CDH20: variants seen among roughly 807,000 people sequenced by gnomAD.
CDH20 encodes cadherin 20, also known as cadherin-20.
CDH20 carries 29 observed loss-of-function variants against 74.2 expected under a neutral mutation model. That is an observed-to-expected ratio of 0.39 (90% CI 0.29 to 0.53). CDH20 has a LOEUF of 0.53. Ranked by LOEUF, CDH20 falls within the 20% of genes least tolerant of loss-of-function variation. CDH20 has a pLI of 0.69. For synonymous variants in CDH20, 469 were observed against 405.4 expected (o/e 1.16, Z -1.88); for missense variants, 988 against 1,048.3 (o/e 0.94, Z 0.79).
chr18:61,495,512 C>G (rs1911105619), intron 2 of CDH20, among the ~76,000 whole-genome samples: 1 of 152,180 alleles, frequency 6.6e-6, no homozygotes, highest in Non-Finnish European at 1.5e-5. Flanking sequence ...TAGAGGGAGC[C>G]CAGGAGGCAG....
intron 1 of CDH20, among the ~76,000 whole-genome samples, chr18:61,409,191 T>C (rs1019041910): frequency 2.6e-5 from 4 of 152,232 alleles, no homozygotes; most frequent in African/African-American, 9.6e-5. Context: ...TTTTCATTAA[T>C]ACATGATTTT....
intron 8 of CDH20, among the ~76,000 whole-genome samples, chr18:61,538,614 G>GTTTTTTTTTTTTTTTTTTTTTTTTTTT (rs541920246): frequency 1.7e-5 from 1 of 57,550 alleles, no homozygotes; most frequent in Non-Finnish European, 3.5e-5. Context: ...TTTTGTTTTT[G>GTTTTTTTTTTTTTTTTTTTTTTTTTTT]TTTTTGTTTT....
At chr18:61,398,977 C>T (rs755782710) in intron 1 of CDH20, among the ~76,000 whole-genome samples, 11 of 152,150 alleles carry the variant, frequency 7.2e-5, no homozygotes, top group Non-Finnish European at 1.5e-4. Context: ...ATTTCCCTGG[C>T]CCAAACTTAT....
At chr18:61,495,132 G>A (rs1911091137) in intron 2 of CDH20, among the ~76,000 whole-genome samples, 1 of 152,160 alleles carries the variant, frequency 6.6e-6, no homozygotes, top group Non-Finnish European at 1.5e-5. Context: ...ACGTAACTGT[G>A]CTGCTGACTC....
In CDH20 at chr18:61,413,853, A is replaced by G. The variant is rs72991842; in HGVS notation, c.-152-76549A>G. ...AAATGGAGAAGAATTTTCAAAGGGAACATACAGAACACTTTTCCTGTGTCA... is the reference window on the plus strand; with the variant it reads ...AAATGGAGAAGAATTTTCAAAGGGAGCATACAGAACACTTTTCCTGTGTCA... On this transcript the variant is annotated intron_variant, in intron 1 of 11. Transcript: ENST00000262717. Among the ~76,000 whole-genome samples, 1,277 of 152,276 alleles carry G rather than the reference A, an allele frequency of 8.4e-3. 9 individuals carry two copies. Among genetic ancestry groups the G allele is most frequent in the South Asian group, 0.016 (76 of 4,830 alleles).
chr18:61,390,302 A>T (rs1911737242), intron 1 of CDH20, among the ~76,000 whole-genome samples: 1 of 152,216 alleles, frequency 6.6e-6, no homozygotes, highest in Non-Finnish European at 1.5e-5. Flanking sequence ...TTTCTCATAT[A>T]TTTCAGAAAG....
rs1469839804 is a variant in CDH20 at position 61,342,108 on chromosome 18, C to T, written c.-153+8281C>T. On this transcript the variant is annotated intron_variant, in intron 1 of 11. Coordinates refer to ENST00000262717, the MANE Select transcript of CDH20 (RefSeq NM_031891.4). Reference sequence around the variant, plus strand: ...CTAACATTTGAAGATCAAATTGTTTCGAGTTGTTTCTTTAAACACAGGAAA... The same window carrying T: ...CTAACATTTGAAGATCAAATTGTTTTGAGTTGTTTCTTTAAACACAGGAAA... 4.6e-5 allele frequency among the ~76,000 whole-genome samples: 7 copies of T among 152,096 alleles called. No homozygotes were observed. The East Asian group carries it at 9.6e-4, about 21-fold the overall frequency.
chr18:61,507,981 G>C (rs185294854), intron 6 of CDH20, among the ~76,000 whole-genome samples: 82 of 152,040 alleles, frequency 5.4e-4, no homozygotes, highest in African/African-American at 1.5e-3. Context: ...AACATGCAAG[G>C]GTTTTTTAAT....
At chr18:61,459,321 A>C (rs970131876) in intron 1 of CDH20, among the ~76,000 whole-genome samples, 7 of 152,124 alleles carry the variant, frequency 4.6e-5, no homozygotes, top group African/African-American at 1.4e-4. Flanking sequence ...CACTCACCTC[A>C]ATTAAAAATG....
Position 61,548,791 on chromosome 18 carries a change from T to C in CDH20, c.1649-1187T>C, listed in dbSNP as rs372292481. On this transcript the variant is annotated intron_variant, in intron 10 of 11. Coordinates refer to ENST00000262717, the MANE Select transcript of CDH20 (RefSeq NM_031891.4). The stretch of plus-strand genomic sequence containing the variant: ...ACTTACACACCAGCTCATACAGACT[T>C]CTGCCTAGAAGTAACACAAATCACT... 3.9e-5 allele frequency among the ~76,000 whole-genome samples: 6 copies of C among 152,210 alleles called. No individual in the cohort carries two copies. The East Asian group carries it at 7.7e-4, about 20-fold the overall frequency.
chr18:61,551,746 A>G (rs1258434310), intron 11 of CDH20, among the ~76,000 whole-genome samples: 3 of 152,168 alleles, frequency 2.0e-5, no homozygotes, highest in Non-Finnish European at 2.9e-5. Flanking sequence ...GACCTGTAAG[A>G]GGCCTTTGAA....
At chr18:61,425,021 TCTCTCCCA>T (rs1442379301) in intron 1 of CDH20, among the ~76,000 whole-genome samples, 1 of 149,300 alleles carries the variant, frequency 6.7e-6, no homozygotes, top group Non-Finnish European at 1.5e-5. Context: ...CCTCTCCCTC[TCTCTCCCA>T]CTTCCCCGCT....
chr18:61,523,885 G>A (rs1453794319), intron 6 of CDH20, among the ~76,000 whole-genome samples: 4 of 152,108 alleles, frequency 2.6e-5, no homozygotes, highest in Admixed American at 6.6e-5. Flanking sequence ...ACACAGGGAG[G>A]GGAATATCAC....
chr18:61,482,594 A>G (rs1239413708), intron 1 of CDH20, among the ~76,000 whole-genome samples: 1 of 152,178 alleles, frequency 6.6e-6, no homozygotes, highest in Non-Finnish European at 1.5e-5. Context: ...TTTTCTTTAC[A>G]CATATATGGC....
At chr18:61,426,146 T>C (rs75278556) in intron 1 of CDH20, among the ~76,000 whole-genome samples, 19,712 of 151,964 alleles carry the variant, frequency 0.13, 1,852 homozygotes, top group East Asian at 0.34. Flanking sequence ...TATACTATTG[T>C]GTCATCTGGA....
chr18:61,452,922 GCC>G, intron 1 of CDH20, among the ~76,000 whole-genome samples: 1 of 152,190 alleles, frequency 6.6e-6, no homozygotes, highest in East Asian at 1.9e-4. Context: ...TAAAAAGTAG[GCC>G]CCCTTTCTTT....
intron 1 of CDH20, among the ~76,000 whole-genome samples, chr18:61,370,739 A>G (rs1213634957): frequency 1.3e-5 from 2 of 152,100 alleles, no homozygotes; most frequent in African/African-American, 2.4e-5. Context: ...TCCAGAATTT[A>G]TTCATTTTGC....
At chr18:61,553,421 A>C (rs1350993450) in intron 11 of CDH20, among the ~76,000 whole-genome samples, 1 of 152,188 alleles carries the variant, frequency 6.6e-6, no homozygotes, top group African/African-American at 2.4e-5. Context: ...TGTTGGGATA[A>C]AATTTTATCC....
At chr18:61,387,096 C>A (rs531730906) in intron 1 of CDH20, among the ~76,000 whole-genome samples, 1 of 152,288 alleles carries the variant, frequency 6.6e-6, no homozygotes, top group African/African-American at 2.4e-5. Flanking sequence ...CAGCCAGGAA[C>A]TCTGGTATCA....
Sources: gnomAD v4.1 joint callset for allele counts (sites outside exome capture counted in the v4.1 genomes callset) on GRCh38, gnomAD v4.1.1 for gene constraint, MANE v1.5 for transcripts, NCBI Gene and HGNC (gene_info 2026-07-23, HGNC 2026-07-21) for gene names.